Variants in NWD2 observed in about 807,000 individuals in gnomAD.
NWD2 encodes the protein NACHT and WD repeat domain containing 2.
A neutral mutation model predicts 132.7 loss-of-function variants in NWD2; 37 were observed. The observed-to-expected ratio is 0.28, with a 90% CI of 0.21 to 0.37. The LOEUF is 0.37. NWD2 is among the 10% of genes least tolerant of loss of function. The probability of loss-of-function intolerance (pLI) is 1.00; values close to 1 mark genes in which losing one functional copy is unlikely to be tolerated. For missense variants in NWD2, 1,592 were observed against 2,122.4 expected (o/e 0.75, Z 4.91); for synonymous variants, 705 against 803.0 (o/e 0.88, Z 2.06).
At chr4:37,384,631 A>G (rs1720522205) in intron 3 of NWD2, among the ~76,000 whole-genome samples, 1 of 152,198 alleles carries the variant, frequency 6.6e-6, no homozygotes, top group Admixed American at 6.5e-5. Context: ...CACAGTGCAC[A>G]TGGAGCTCAG....
In NWD2 at chr4:37,286,772, A is replaced by G. The variant is rs1356602979; in HGVS notation, c.152-39164A>G. 2.6e-5 allele frequency among the ~76,000 whole-genome samples: 4 copies of G among 152,272 alleles called. No individual in the cohort carries two copies. In the East Asian group the frequency reaches 7.7e-4, roughly 29 times the overall value. ...TGGGAAGGTACCTGGAGCAGTTCCT[A>G]AGGAGGGTCTTAATAAATGTTGAAT... On this transcript the variant is annotated intron_variant, in intron 1 of 6. Transcript: ENST00000309447.
intron 3 of NWD2, among the ~76,000 whole-genome samples, chr4:37,411,068 C>T (rs1446075237): frequency 6.6e-6 from 1 of 152,126 alleles, no homozygotes; most frequent in Non-Finnish European, 1.5e-5. Context: ...GACACCCTAA[C>T]ATCAAAATTA....
In NWD2 at chr4:37,283,884, G is replaced by A. The variant is rs372353640; in HGVS notation, c.151+38666G>A. On this transcript the variant is annotated intron_variant, in intron 1 of 6. Transcript: ENST00000309447. ...GAGGAATGCTTCCTAAGCTCTTGGGGCTTCAGTTTTCTCATCACTTAAGGA... is the reference window on the plus strand; with the variant it reads ...GAGGAATGCTTCCTAAGCTCTTGGGACTTCAGTTTTCTCATCACTTAAGGA... Among the ~76,000 whole-genome samples, 39 of 152,200 alleles carry A rather than the reference G, an allele frequency of 2.6e-4. 1 individual carries two copies. The highest frequency in any genetic ancestry group is 8.7e-4 in the African/African-American group (36 of 41,528).
At chr4:37,365,042 A>G (rs983733213) in intron 3 of NWD2, among the ~76,000 whole-genome samples, 3 of 152,226 alleles carry the variant, frequency 2.0e-5, no homozygotes, top group Non-Finnish European at 2.9e-5. Context: ...TCTCAAACTT[A>G]TAGCATATAG....
At chr4:37,296,219 G>T (rs1438760929) in intron 1 of NWD2, among the ~76,000 whole-genome samples, 7 of 152,224 alleles carry the variant, frequency 4.6e-5, no homozygotes, top group African/African-American at 1.7e-4. Context: ...AGGCTGTGGG[G>T]TGCCTTCGGG....
intron 3 of NWD2, among the ~76,000 whole-genome samples, chr4:37,401,016 G>A (rs1161462439): frequency 6.6e-6 from 1 of 152,120 alleles, no homozygotes; most frequent in Admixed American, 6.5e-5. Context: ...TTTGTACAAG[G>A]CACAAACAGA....
chr4:37,252,193 AT>A (rs2109255369), intron 1 of NWD2, among the ~76,000 whole-genome samples: 1 of 152,366 alleles, frequency 6.6e-6, no homozygotes, highest in South Asian at 2.1e-4. Context: ...AATAGTCTTT[AT>A]CATTCAGCAG....
At chr4:37,314,260 T>G (rs911144799) in intron 1 of NWD2, among the ~76,000 whole-genome samples, 33 of 152,272 alleles carry the variant, frequency 2.2e-4, no homozygotes, top group Middle Eastern at 3.4e-3. Flanking sequence ...TTGTTTTGTG[T>G]TTTTTTCTTT....
chr4:37,433,975 A>C lies in NWD2; in HGVS notation c.661A>C (p.Lys221Gln). The change falls in exon 5 of 7, where the codon AAG (lysine) becomes CAG (glutamine). Residue 221 changes from lysine (K) to glutamine (Q), a missense_variant. Transcript: ENST00000309447. ...FKAAVKLLHE[K>Q]GKMKHSQAKR... ...GGCTGCTGTAAAGCTGTTACACGAAAAGGGTAAAATGAAACACAGCCAGGC... is the reference window on the plus strand; with the variant it reads ...GGCTGCTGTAAAGCTGTTACACGAACAGGGTAAAATGAAACACAGCCAGGC... The C allele has an allele frequency of 1.3e-6, 2 of 1,550,990 alleles. No individual in the cohort carries two copies. Among genetic ancestry groups the C allele is most frequent in the Non-Finnish European group, 1.7e-6 (2 of 1,146,508 alleles).
intron 2 of NWD2, among the ~76,000 whole-genome samples, chr4:37,340,175 G>A (rs1409495448): frequency 2.0e-5 from 3 of 152,048 alleles, no homozygotes; most frequent in Non-Finnish European, 4.4e-5. Context: ...TAAGTTTTAA[G>A]TCTCCACATT....
intron 2 of NWD2, among the ~76,000 whole-genome samples, chr4:37,354,737 G>GA (rs965892946): frequency 6.6e-6 from 1 of 152,200 alleles, no homozygotes; most frequent in Non-Finnish European, 1.5e-5. Flanking sequence ...TGGTGAGATG[G>GA]AAAAGTTCAT....
intron 1 of NWD2, among the ~76,000 whole-genome samples, chr4:37,277,425 G>C (rs942903170): frequency 1.3e-5 from 2 of 151,732 alleles, no homozygotes; most frequent in Admixed American, 1.3e-4. Flanking sequence ...ATGTCCCACA[G>C]GTCCCTGATG....
chr4:37,313,976 G>A (rs969456125), intron 1 of NWD2, among the ~76,000 whole-genome samples: 10 of 146,094 alleles, frequency 6.8e-5, no homozygotes, highest in South Asian at 2.1e-4. Context: ...GATTACAGGC[G>A]TGAGCCACTG....
At chr4:37,436,702 T>C (rs1458490285) in intron 5 of NWD2, among the ~76,000 whole-genome samples, 1 of 152,192 alleles carries the variant, frequency 6.6e-6, no homozygotes. Flanking sequence ...GCTCTCAGAA[T>C]GTAGCAAGCT....
intron 2 of NWD2, among the ~76,000 whole-genome samples, chr4:37,332,124 A>C (rs60716589): frequency 0.19 from 28,482 of 152,078 alleles, 2,773 homozygotes; most frequent in South Asian, 0.32. Flanking sequence ...GATTCCAACT[A>C]CTAGGCAAGT....
intron 1 of NWD2, among the ~76,000 whole-genome samples, chr4:37,292,380 G>A (rs1339750661): frequency 4.6e-5 from 7 of 152,082 alleles, no homozygotes; most frequent in Non-Finnish European, 8.8e-5. Context: ...TAGCCCCTTG[G>A]GCCCCTTCAT....
intron 1 of NWD2, among the ~76,000 whole-genome samples, chr4:37,278,645 G>C (rs1216577137): frequency 1.3e-5 from 2 of 152,162 alleles, no homozygotes; most frequent in African/African-American, 4.8e-5. Context: ...ATTTGTGAGG[G>C]TTTTGATCAA....
At chr4:37,344,549 C>T (rs889078464) in intron 2 of NWD2, among the ~76,000 whole-genome samples, 10 of 151,770 alleles carry the variant, frequency 6.6e-5, no homozygotes, top group Non-Finnish European at 1.2e-4. Flanking sequence ...CCATCAGTGG[C>T]GAATAAATGA....
intron 2 of NWD2, among the ~76,000 whole-genome samples, chr4:37,336,913 C>A (rs575023278): frequency 6.9e-6 from 1 of 144,856 alleles, no homozygotes; most frequent in African/African-American, 2.5e-5. Context: ...CCACTGCGCT[C>A]CAGCCTGGGC....
Sources: allele counts gnomAD v4.1 joint callset (sites outside exome capture counted in the v4.1 genomes callset), GRCh38; gene constraint gnomAD v4.1.1; transcripts MANE v1.5; gene names NCBI Gene and HGNC (gene_info 2026-07-23, HGNC 2026-07-21).